DYNLL2: variants seen among roughly 807,000 people sequenced by gnomAD.
DYNLL2 encodes dynein light chain 2, cytoplasmic.
In DYNLL2, 1 loss-of-function variant was observed where a neutral mutation model predicts 9.7. The observed-to-expected ratio is 0.10, with a 90% CI of 0.04 to 0.49. The LOEUF (loss-of-function observed/expected upper bound fraction) is 0.49. DYNLL2 is among the 20% of genes least tolerant of loss of function. DYNLL2 has a pLI of 0.95. For synonymous variants in DYNLL2, 35 were observed against 40.5 expected, an observed-to-expected ratio of 0.86 and a Z score of 0.52; for missense variants, 37 against 115.2, an observed-to-expected ratio of 0.32 and a Z score of 3.11.
At chr17:58,088,073 C>G (rs894071470) in intron 2 of DYNLL2, among the ~76,000 whole-genome samples, 13 of 136,168 alleles carry the variant, frequency 9.5e-5, no homozygotes, top group East Asian at 2.2e-4. Context: ...AAAAGAAGAA[C>G]TCCTGGAGTC....
intron 2 of DYNLL2, among the ~76,000 whole-genome samples, chr17:58,087,556 A>C (rs1314053798): frequency 2.0e-5 from 3 of 152,224 alleles, no homozygotes; most frequent in African/African-American, 7.2e-5. Context: ...GAACTATTCA[A>C]AATTAAAATC....
Position 58,093,173 on chromosome 17 carries a change from G to T in DYNLL2, c.*3894G>T, listed in dbSNP as rs1460698314. On this transcript the variant is annotated 3_prime_UTR_variant, in exon 3 of 3. Transcript: ENST00000579991. Reference sequence around the variant, plus strand: ...AAAAAAGAAGGGTGCGAGCAAGCCTGGACAGGCCTGGTGCCCCAGGGCAGC... The same window carrying T: ...AAAAAAGAAGGGTGCGAGCAAGCCTTGACAGGCCTGGTGCCCCAGGGCAGC... The T allele has an allele frequency of 6.6e-6, 1 of 152,214 alleles. No individual in the cohort carries two copies. Among genetic ancestry groups the T allele is most frequent in the East Asian group, 1.9e-4 (1 of 5,196 alleles). The allele number at this position is 152,214 out of a possible 1,614,324, so 9.4% of individuals were successfully genotyped here.
rs2075773071 is a variant in DYNLL2, at chr17:58,089,669, T to A, written c.*390T>A. 1 of 410,920 alleles carries A rather than the reference T, an allele frequency of 2.4e-6. No homozygotes were observed. The highest frequency in any genetic ancestry group is 4.2e-6 in the Non-Finnish European group (1 of 235,810). The allele number at this position is 410,920 out of a possible 1,614,324, so 25.5% of individuals were successfully genotyped here. Reference sequence around the variant, plus strand: ...AGGTCTCTGGAGGTGGAACTAAAACTGTGCAGCTGCCTCTTCCTGGCGGTG... The same window carrying A: ...AGGTCTCTGGAGGTGGAACTAAAACAGTGCAGCTGCCTCTTCCTGGCGGTG... On this transcript the variant is annotated 3_prime_UTR_variant, in exon 3 of 3. Coordinates refer to ENST00000579991, the MANE Select transcript of DYNLL2 (RefSeq NM_080677.3).
Position 58,095,236 on chromosome 17 carries a change from C to T in DYNLL2, c.*5957C>T, listed in dbSNP as rs2075793986. On this transcript the variant is annotated 3_prime_UTR_variant, in exon 3 of 3. Coordinates refer to ENST00000579991, the MANE Select transcript of DYNLL2 (RefSeq NM_080677.3). The stretch of plus-strand genomic sequence containing the variant: ...GTATACAGATTACAATTTCTGAACT[C>T]TGCCATTCCAGTGTGAGAGCAGCCA... 6.6e-6 allele frequency: 1 copy of T among 152,194 alleles called. No homozygotes were observed. Among genetic ancestry groups the T allele is most frequent in the Non-Finnish European group, 1.5e-5 (1 of 68,040 alleles). The allele number at this position is 152,194 out of a possible 1,614,324, so 9.4% of individuals were successfully genotyped here. A position where few individuals can be genotyped will look rare whatever the true frequency, so the allele number is the denominator to read the frequency against.
chr17:58,083,938 C>G (rs909484437), intron 1 of DYNLL2, among the ~76,000 whole-genome samples: 2 of 151,658 alleles, frequency 1.3e-5, no homozygotes, highest in African/African-American at 2.4e-5. Flanking sequence ...GCTGGAGGCC[C>G]GGGCTGCGGA....
At chr17:58,084,522 C>T (rs949079782) in intron 1 of DYNLL2, among the ~76,000 whole-genome samples, 1 of 152,116 alleles carries the variant, frequency 6.6e-6, no homozygotes, top group Non-Finnish European at 1.5e-5. Context: ...AGGTCCCTTG[C>T]TTTTTCCCAA....
At chr17:58,083,938 C>T (rs909484437) in intron 1 of DYNLL2, among the ~76,000 whole-genome samples, 1 of 151,766 alleles carries the variant, frequency 6.6e-6, no homozygotes, top group East Asian at 2.0e-4. Flanking sequence ...GCTGGAGGCC[C>T]GGGCTGCGGA....
Position 58,094,647 on chromosome 17 carries a change from A to C in DYNLL2, c.*5368A>C, listed in dbSNP as rs868386911. On this transcript the variant is annotated 3_prime_UTR_variant, in exon 3 of 3. Coordinates refer to ENST00000579991, the MANE Select transcript of DYNLL2 (RefSeq NM_080677.3). ...ATTGCCCTGTACTTGGTGGTGGTAT[A>C]CAGTTCAGCAGTTTTTAGCATATAC... 1 of 152,218 alleles carries C rather than the reference A, an allele frequency of 6.6e-6. No homozygotes were observed. Among genetic ancestry groups the C allele is most frequent in the Non-Finnish European group, 1.5e-5 (1 of 68,046 alleles). The allele number at this position is 152,218 out of a possible 1,614,324, so 9.4% of individuals were successfully genotyped here.
chr17:58,091,799 C>G lies in DYNLL2; in HGVS notation c.*2520C>G, dbSNP rs560554077. 1 of 152,340 alleles carries G rather than the reference C, an allele frequency of 6.6e-6. No individual in the cohort carries two copies. The highest frequency in any genetic ancestry group is 2.4e-5 in the African/African-American group (1 of 41,570). The allele number at this position is 152,340 out of a possible 1,614,324, so 9.4% of individuals were successfully genotyped here. On this transcript the variant is annotated 3_prime_UTR_variant, in exon 3 of 3. Transcript: ENST00000579991. ...GAGTGTCTGCCCACCCCTGACTCCA[C>G]CATCGTGTGACTGCAATTCTCTTGG...
At chr17:58,083,999 C>T (rs969527673) in intron 1 of DYNLL2, among the ~76,000 whole-genome samples, 1 of 151,916 alleles carries the variant, frequency 6.6e-6, no homozygotes, top group Non-Finnish European at 1.5e-5. Context: ...GTGGAGGCCC[C>T]TGATGTCAGG....
chr17:58,085,944 A>G (rs1293360203), intron 1 of DYNLL2, among the ~76,000 whole-genome samples: 1 of 152,228 alleles, frequency 6.6e-6, no homozygotes, highest in Non-Finnish European at 1.5e-5. Context: ...TGAGGAAGCA[A>G]CGCACCAAAG....
chr17:58,089,899 G>T lies in DYNLL2; in HGVS notation c.*620G>T. 7.5e-6 allele frequency: 3 copies of T among 398,758 alleles called. No individual in the cohort carries two copies. Among genetic ancestry groups the T allele is most frequent in the Non-Finnish European group, 1.3e-5 (3 of 226,148 alleles). 24.7% of individuals were successfully genotyped at this position (398,758 alleles called of 1,614,324 possible). On this transcript the variant is annotated 3_prime_UTR_variant, in exon 3 of 3. Transcript: ENST00000579991. ...AGATGTGTTTGTCTGTGGTGTGTGG[G>T]AGTGGGGAGCAGATTTGTCTTGCTG... is the stretch of plus-strand genomic sequence containing the variant.
At position 58,093,917 on chromosome 17, in the gene DYNLL2, G is replaced by T. The variant is rs1329884756; in HGVS notation, c.*4638G>T. On this transcript the variant is annotated 3_prime_UTR_variant, in exon 3 of 3. Coordinates refer to ENST00000579991, the MANE Select transcript of DYNLL2 (RefSeq NM_080677.3). ...CTCTCTCTGTGATGTATGTGGGCTT[G>T]GTGTCCACATCAATGTGCGTGAATA... 13 of 152,148 alleles carry T rather than the reference G, an allele frequency of 8.5e-5. No individual in the cohort carries two copies. In the East Asian group the frequency reaches 2.5e-3, roughly 29 times the overall value. The allele number at this position is 152,148 out of a possible 1,614,324, so 9.4% of individuals were successfully genotyped here. A position where few individuals can be genotyped will look rare whatever the true frequency, so the allele number is the denominator to read the frequency against.
chr17:58,087,258 G>C (rs2075763530), intron 2 of DYNLL2, 36 bp downstream of exon 2: 1 of 1,610,252 alleles, frequency 6.2e-7, no homozygotes, highest in Middle Eastern at 1.7e-4. Flanking sequence ...GGCCAGGGGT[G>C]GGGATCGACA....
Position 58,094,591 on chromosome 17 carries a change from A to G in DYNLL2, c.*5312A>G, listed in dbSNP as rs902371513. The G allele has an allele frequency of 1.3e-5, 2 of 152,322 alleles. No individual in the cohort carries two copies. Among genetic ancestry groups the G allele is most frequent in the South Asian group, 2.1e-4 (1 of 4,828 alleles). 9.4% of individuals were successfully genotyped at this position (152,322 alleles called of 1,614,324 possible). On this transcript the variant is annotated 3_prime_UTR_variant, in exon 3 of 3. Transcript: ENST00000579991. The stretch of plus-strand genomic sequence containing the variant: ...CAGTGGCAGAGAGGACTAATTTTTT[A>G]CTAGGTTCTGAGCCCTGTACTGAAC...
chr17:58,087,425 GGTGT>G (rs34847794), intron 2 of DYNLL2, among the ~76,000 whole-genome samples: 9,521 of 150,828 alleles, frequency 0.063, 420 homozygotes, highest in African/African-American at 0.12. Flanking sequence ...AGCTCTGCCA[GGTGT>G]GTGTGTGTGT....
rs1555582619 is a variant in DYNLL2, at chr17:58,083,458, A to AGCGGGCGGGCGAGCGG, written c.-224_-223insAGCGGGCGGGCGGGCG. On this transcript the variant is annotated 5_prime_UTR_variant, in exon 1 of 3. Coordinates refer to ENST00000579991, the MANE Select transcript of DYNLL2 (RefSeq NM_080677.3). ...GCGGAGCTGTGAGGCGCCAGTGCGGAGCGGGCGGGCGGGCGGGCGGCGTGA... is the reference window on the plus strand; with the variant it reads ...GCGGAGCTGTGAGGCGCCAGTGCGGAGCGGGCGGGCGAGCGGGCGGGCGGGCGGGCGGGCGGCGTGA... The AGCGGGCGGGCGAGCGG allele has an allele frequency of 3.0e-5, 4 of 131,832 alleles. No individual in the cohort carries two copies. The highest frequency in any genetic ancestry group is 4.9e-5 in the Non-Finnish European group (3 of 60,668). 8.2% of individuals were successfully genotyped at this position (131,832 alleles called of 1,614,324 possible).
At chr17:58,084,447 C>G (rs1479697461) in intron 1 of DYNLL2, among the ~76,000 whole-genome samples, 3 of 152,124 alleles carry the variant, frequency 2.0e-5, no homozygotes, top group Non-Finnish European at 2.9e-5. Context: ...TCACAGGAGC[C>G]TTGGCTCGTG....
rs760617745 is a variant in DYNLL2 at position 58,089,401 on chromosome 17, A to C, written c.*122A>C. 27 of 1,296,200 alleles carry C rather than the reference A, an allele frequency of 2.1e-5. No individual in the cohort carries two copies. Among genetic ancestry groups the C allele is most frequent in the Non-Finnish European group, 2.8e-5 (26 of 942,016 alleles). The allele number at this position is 1,296,200 out of a possible 1,614,324, so 80.3% of individuals were successfully genotyped here. A position where few individuals can be genotyped will look rare whatever the true frequency, so the allele number is the denominator to read the frequency against. ...CTCCAATGGCTGTGCTACTGCATGG[A>C]CTGTATACTCGATTTCATGTGTATG... On this transcript the variant is annotated 3_prime_UTR_variant, in exon 3 of 3. Coordinates refer to ENST00000579991, the MANE Select transcript of DYNLL2 (RefSeq NM_080677.3).
Sources: allele counts gnomAD v4.1 joint callset (sites outside exome capture counted in the v4.1 genomes callset), GRCh38; gene constraint gnomAD v4.1.1; transcripts MANE v1.5; gene names NCBI Gene and HGNC (gene_info 2026-07-23, HGNC 2026-07-21).